Variants in ACKR2 observed in about 807,000 individuals in gnomAD.
ACKR2 encodes C-C chemokine receptor D6.
For synonymous variants in ACKR2, 207 were observed against 192.2 expected, an observed-to-expected ratio of 1.08 and a Z score of -0.64; for missense variants, 457 against 477.3, an observed-to-expected ratio of 0.96 and a Z score of 0.40.
intron 2 of ACKR2, among the ~76,000 whole-genome samples, chr3:42,828,363 G>T (rs1700894687): frequency 6.6e-6 from 1 of 151,966 alleles, no homozygotes; most frequent in Non-Finnish European, 1.5e-5. Flanking sequence ...CACCTGCCTT[G>T]GCCTCCCAAA....
intron 2 of ACKR2, among the ~76,000 whole-genome samples, chr3:42,840,259 CA>C (rs34830187): frequency 0.037 from 1,293 of 34,612 alleles, no homozygotes; most frequent in African/African-American, 0.13. Context: ...GACTCCGTCT[CA>C]AAAAAAAAAA....
chr3:42,833,451 A>C (rs1333469795), intron 2 of ACKR2, among the ~76,000 whole-genome samples: 1 of 152,092 alleles, frequency 6.6e-6, no homozygotes, highest in Non-Finnish European at 1.5e-5. Context: ...GTGATTTCTG[A>C]GATTTTGGTG....
At chr3:42,838,552 A>C (rs1201130864) in intron 2 of ACKR2, among the ~76,000 whole-genome samples, 2 of 152,224 alleles carry the variant, frequency 1.3e-5, no homozygotes, top group African/African-American at 4.8e-5. Flanking sequence ...CATACCAAGA[A>C]CTTAGGAGAA....
In ACKR2 at chr3:42,846,498, G is replaced by C; in HGVS notation, c.-37-17968G>C. On this transcript the variant is annotated intron_variant, in intron 2 of 2. Transcript: ENST00000422265. ...ATGTGATCTTCTTTGCCTGGAACCC[G>C]AGGGTGCATCCAGCTGCTGCTATTT... Among the ~76,000 whole-genome samples the C allele has an allele frequency of 1.3e-5, 2 of 152,188 alleles. 1 individual carries two copies. Among genetic ancestry groups the C allele is most frequent in the Non-Finnish European group, 2.9e-5 (2 of 68,042 alleles).
chr3:42,843,514 T>C (rs1046006729), intron 2 of ACKR2, among the ~76,000 whole-genome samples: 11 of 152,280 alleles, frequency 7.2e-5, no homozygotes, highest in African/African-American at 2.4e-4. Context: ...GCATTTCCTA[T>C]TGTGGGATAC....
chr3:42,848,547 A>G (rs1408424793), intron 2 of ACKR2, among the ~76,000 whole-genome samples: 3 of 152,204 alleles, frequency 2.0e-5, no homozygotes. Context: ...AATTCTAATT[A>G]ATACATGTAG....
chr3:42,850,570 G>C (rs1408519386), intron 2 of ACKR2, among the ~76,000 whole-genome samples: 1 of 152,216 alleles, frequency 6.6e-6, no homozygotes, highest in East Asian at 1.9e-4. Context: ...CAAGGGGGCA[G>C]TGGGACTGGA....
chr3:42,865,058 C>A lies in ACKR2; in HGVS notation c.556C>A (p.His186Asn), dbSNP rs772768448. The change falls in exon 3 of 3, where the codon CAT becomes AAT. Residue 186 changes from histidine to asparagine, a missense_variant. By Grantham distance (68) the His-to-Asn change is moderately conservative (BLOSUM62 1). Coordinates refer to ENST00000422265, the MANE Select transcript of ACKR2 (RefSeq NM_001296.5). ...CCCTGATATGGTCTTTGTACAGACA[C>A]ATGAAAATCCCAAGGGTGTGTGGAA... is the stretch of plus-strand genomic sequence containing the variant. ...SIPDMVFVQT[H>N]ENPKGVWNCH... 3.1e-6 allele frequency: 5 copies of A among 1,614,006 alleles called. No individual in the cohort carries two copies. The African/African-American group carries it at 6.7e-5, about 22-fold the overall frequency.
chr3:42,860,037 A>T (rs946221631), intron 2 of ACKR2, among the ~76,000 whole-genome samples: 1 of 151,900 alleles, frequency 6.6e-6, no homozygotes, highest in Admixed American at 6.6e-5. Flanking sequence ...AAAGACACTG[A>T]CTGGCAAATT....
At chr3:42,828,090 A>ATTTTTTTTTTTT (rs200255129) in intron 2 of ACKR2, among the ~76,000 whole-genome samples, 1 of 91,874 alleles carries the variant, frequency 1.1e-5, no homozygotes, top group Non-Finnish European at 2.4e-5. Flanking sequence ...ATATATATAT[A>ATTTTTTTTTTTT]TATTTTTTTT....
intron 2 of ACKR2, among the ~76,000 whole-genome samples, chr3:42,824,844 T>C (rs770575264): frequency 1.1e-4 from 16 of 152,212 alleles, no homozygotes; most frequent in Admixed American, 6.5e-4. Context: ...TTCAATTTTC[T>C]TGGGCATATA....
intron 1 of ACKR2, among the ~76,000 whole-genome samples, chr3:42,809,997 G>GT (rs1553698806): frequency 6.6e-6 from 1 of 152,150 alleles, no homozygotes; most frequent in Non-Finnish European, 1.5e-5. Flanking sequence ...GGTAAGACAG[G>GT]TTGGTTAGAA....
chr3:42,855,797 G>A (rs546615738), intron 2 of ACKR2, among the ~76,000 whole-genome samples: 1 of 152,324 alleles, frequency 6.6e-6, no homozygotes, highest in South Asian at 2.1e-4. Context: ...GGAATAGAGT[G>A]TTCCATGTAG....
Position 42,865,173 on chromosome 3 carries a change from T to C in ACKR2, c.671T>C (p.Leu224Pro). The C allele has an allele frequency of 6.2e-7, 1 of 1,614,198 alleles. No individual in the cohort carries two copies. The highest frequency in any genetic ancestry group is 8.5e-7 in the Non-Finnish European group (1 of 1,180,038). ...QNLLGFLLPL[L>P]AMIFFYSRIG... is the part of the protein sequence containing the mutation. Reference sequence around the variant, plus strand: ...CTCCTAGGGTTTCTCCTTCCACTCCTTGCCATGATCTTCTTCTACTCCCGT... The same window carrying C: ...CTCCTAGGGTTTCTCCTTCCACTCCCTGCCATGATCTTCTTCTACTCCCGT... The change falls in exon 3 of 3, where the codon CTT becomes CCT. Residue 224 changes from leucine (L) to proline (P), a missense_variant. By Grantham distance (98) the Leu-to-Pro change is moderately conservative. Transcript: ENST00000422265.
At chr3:42,859,661 G>A (rs1198622251) in intron 2 of ACKR2, among the ~76,000 whole-genome samples, 3 of 152,188 alleles carry the variant, frequency 2.0e-5, no homozygotes, top group Non-Finnish European at 4.4e-5. Context: ...GATCACAGAC[G>A]TGAGCCGCCG....
chr3:42,828,092 A>ATATATATTTTTTT (rs1193533555), intron 2 of ACKR2, among the ~76,000 whole-genome samples: 4 of 121,896 alleles, frequency 3.3e-5, no homozygotes, highest in East Asian at 2.2e-4. Flanking sequence ...ATATATATAT[A>ATATATATTTTTTT]TTTTTTTTTT....
chr3:42,828,092 A>ATATATATATATATTTT (rs1193533555), intron 2 of ACKR2, among the ~76,000 whole-genome samples: 2 of 121,898 alleles, frequency 1.6e-5, no homozygotes, highest in Admixed American at 8.0e-5. Flanking sequence ...ATATATATAT[A>ATATATATATATATTTT]TTTTTTTTTT....
chr3:42,864,628 GTCCTTTGGCAAAGTCT>G lies in ACKR2; in HGVS notation c.131_146del (p.Phe44SerfsTer7). 1 of 1,614,186 alleles carries G rather than the reference GTCCTTTGGCAAAGTCT, an allele frequency of 6.2e-7. No individual in the cohort carries two copies. Among genetic ancestry groups the G allele is most frequent in the Non-Finnish European group, 8.5e-7 (1 of 1,180,038 alleles). On this transcript the variant is annotated frameshift_variant, in exon 3 of 3. Transcript: ENST00000422265. LOFTEE classifies it low-confidence loss of function (END_TRUNC). Reference sequence around the variant, plus strand: ...TGCTCTGCAGGAAGGATGCAGTGGTGTCCTTTGGCAAAGTCTTCCTCCCAGTCTTCTATAGCCTGAT... The same window carrying G: ...TGCTCTGCAGGAAGGATGCAGTGGTGTCCTCCCAGTCTTCTATAGCCTGAT...
At chr3:42,848,202 A>C (rs63682562) in intron 2 of ACKR2, among the ~76,000 whole-genome samples, 1 of 86,178 alleles carries the variant, frequency 1.2e-5, no homozygotes, top group African/African-American at 3.0e-5. Context: ...TAACTCTTTT[A>C]AAAAAAAAAA....
Sources: allele counts gnomAD v4.1 joint callset (sites outside exome capture counted in the v4.1 genomes callset), GRCh38; gene constraint gnomAD v4.1.1; transcripts MANE v1.5; gene names NCBI Gene and HGNC (gene_info 2026-07-23, HGNC 2026-07-21).